Variants in OR10A5 observed in about 807,000 individuals in gnomAD.
OR10A5 encodes olfactory receptor 10A5.
Under a neutral mutation model 6.0 loss-of-function variants are expected in OR10A5, and 7 were observed. The observed-to-expected ratio is 1.17, with a 90% confidence interval of 0.66 to 2.20. The LOEUF is 2.20. Among genes scored for constraint, OR10A5 ranks in the 30% most tolerant of loss-of-function variants. The pLI, the probability that OR10A5 is intolerant of heterozygous loss-of-function variation, is 0.00. For missense variants in OR10A5, 369 were observed against 378.1 expected, an observed-to-expected ratio of 0.98 and a Z score of 0.20; for synonymous variants, 149 against 148.8, an observed-to-expected ratio of 1.00 and a Z score of -0.01.
rs778178327 is a variant in OR10A5 at position 6,846,434 on chromosome 11, T to G, written c.752T>G (p.Leu251Arg). The G allele has an allele frequency of 8.7e-6, 14 of 1,613,992 alleles. No homozygotes were observed. The African/African-American group carries it at 1.6e-4, about 18-fold the overall frequency. ...TCSSHLLVVS[L>R]FYISSSLTYF... ...TCCTCACACCTCCTTGTTGTCTCTC[T>G]TTTCTATATATCTTCTAGCCTCACC... The change falls in exon 1 of 1, where the codon CTT becomes CGT. Residue 251 changes from leucine (L) to arginine (R), a missense_variant. Leu to Arg is a moderately radical substitution (Grantham distance 102, BLOSUM62 -2). Transcript: ENST00000299454.
rs1411593813 is a variant in OR10A5, at chr11:6,846,373, T to A, written c.691T>A (p.Ser231Thr). 4 of 1,614,090 alleles carry A rather than the reference T, an allele frequency of 2.5e-6. No homozygotes were observed. In the African/African-American group the frequency reaches 4.0e-5, roughly 16 times the overall value. Reference protein sequence around the residue: ...RIAAAILKIPSAKGKHKAFST... With the variant: ...RIAAAILKIPTAKGKHKAFST... ...TGCTGCTGCTATCCTCAAGATCCCA[T>A]CAGCTAAAGGGAAGCATAAAGCCTT... The change falls in exon 1 of 1, where the codon TCA becomes ACA. Residue 231 changes from serine to threonine, a missense_variant. Ser to Thr is a moderately conservative substitution (Grantham distance 58). Transcript: ENST00000299454.
Position 6,846,468 on chromosome 11 carries a change from G to A in OR10A5, c.786G>A (p.Trp262Ter), listed in dbSNP as rs1848213907. 9 of 1,613,936 alleles carry A rather than the reference G, an allele frequency of 5.6e-6. No individual in the cohort carries two copies. Among genetic ancestry groups the A allele is most frequent in the Non-Finnish European group, 7.6e-6 (9 of 1,179,974 alleles). Residue 262 changes from tryptophan to a stop codon, truncating the protein, a stop_gained, in exon 1 of 1, where the codon TGG (tryptophan) becomes TGA (stop). Transcript: ENST00000299454. LOFTEE classifies it high-confidence loss of function. The part of the protein sequence containing the change: ...FYISSSLTYF[W>*]PKSNNSPESK... ...TATCTTCTAGCCTCACCTACTTCTG[G>A]CCTAAATCAAATAATTCTCCTGAGA...
rs1190575786 is a variant in OR10A5, at chr11:6,846,610, C to G, written c.928C>G (p.Leu310Val). 2 of 1,600,402 alleles carry G rather than the reference C, an allele frequency of 1.2e-6. No individual in the cohort carries two copies. Among genetic ancestry groups the G allele is most frequent in the East Asian group, 2.2e-5 (1 of 44,822 alleles). The change falls in exon 1 of 1, where the codon CTA (leucine) becomes GTA (valine). Residue 310 changes from leucine to valine, a missense_variant. Leu to Val is a conservative substitution (Grantham distance 32, BLOSUM62 1). Coordinates refer to ENST00000299454, the MANE Select transcript of OR10A5 (RefSeq NM_178168.1). ...NALSRTFHKV[L>V]ALRNCIP ...CCTCAGCAGGACCTTCCACAAGGTC[C>G]TAGCCCTCAGAAACTGTATCCCATA...
Position 6,845,695 on chromosome 11 carries a change from A to G in OR10A5, c.13A>G (p.Asn5Asp). The G allele has an allele frequency of 6.3e-7, 1 of 1,588,576 alleles. No homozygotes were observed. The highest frequency in any genetic ancestry group is 8.6e-7 in the Non-Finnish European group (1 of 1,156,780). Residue 5 changes from asparagine to aspartate, a missense_variant, in exon 1 of 1, where the codon AAC becomes GAC. Physicochemically the swap from Asn to Asp is conservative, Grantham distance 23. Transcript: ENST00000299454. MAIGNWTEISEFILM... is the reference protein window; with the variant it reads MAIGDWTEISEFILM... ...TATGCCCATACTTATGGCTATAGGA[A>G]ACTGGACAGAAATAAGTGAATTTAT...
rs767991915 is a variant in OR10A5, at chr11:6,846,171, G to T, written c.489G>T (p.Trp163Cys). ...CTGTAGCTACTGTGCAGACCACATG[G>T]CTCTTCAGTTTTCCATTCTGTGGCA... ...GFPVATVQTT[W>C]LFSFPFCGTN... The change falls in exon 1 of 1, where the codon TGG becomes TGT. Residue 163 changes from tryptophan (W) to cysteine (C), a missense_variant. Physicochemically the swap from Trp to Cys is radical, Grantham distance 215. Transcript: ENST00000299454. 1 of 1,614,174 alleles carries T rather than the reference G, an allele frequency of 6.2e-7. No individual in the cohort carries two copies. The highest frequency in any genetic ancestry group is 8.5e-7 in the Non-Finnish European group (1 of 1,180,032).
In OR10A5 at chr11:6,846,060, C is replaced by T. The variant is rs373809830; in HGVS notation, c.378C>T (p.Ala126=). Residue 126 remains alanine (A), a synonymous_variant, in exon 1 of 1, where the codon GCC becomes GCT. Coordinates refer to ENST00000299454, the MANE Select transcript of OR10A5 (RefSeq NM_178168.1). ...LATMAYDRYV[A]ICSPLHYPVI... ...CCATGGCATATGACCGCTATGTGGCCATCTGCAGTCCCTTGCACTACCCAG... is the reference window on the plus strand; with the variant it reads ...CCATGGCATATGACCGCTATGTGGCTATCTGCAGTCCCTTGCACTACCCAG... The T allele has an allele frequency of 5.0e-6, 8 of 1,614,208 alleles. No individual in the cohort carries two copies. In the South Asian group the frequency reaches 7.7e-5, roughly 16 times the overall value.
chr11:6,846,404 C>G lies in OR10A5; in HGVS notation c.722C>G (p.Thr241Arg). 1 of 1,614,066 alleles carries G rather than the reference C, an allele frequency of 6.2e-7. No individual in the cohort carries two copies. Among genetic ancestry groups the G allele is most frequent in the Non-Finnish European group, 8.5e-7 (1 of 1,179,968 alleles). Residue 241 changes from threonine (T) to arginine (R), a missense_variant, in exon 1 of 1, where the codon ACG (threonine) becomes AGG (arginine). By Grantham distance (71) the Thr-to-Arg change is moderately conservative. Transcript: ENST00000299454. ...AAAGGGAAGCATAAAGCCTTCTCTA[C>G]GTGCTCCTCACACCTCCTTGTTGTC... The part of the protein sequence containing the change: ...SAKGKHKAFS[T>R]CSSHLLVVSL...
Position 6,845,893 on chromosome 11 carries a change from G to C in OR10A5, c.211G>C (p.Glu71Gln), listed in dbSNP as rs1251943469. 3.1e-6 allele frequency: 5 copies of C among 1,613,998 alleles called. No individual in the cohort carries two copies. The highest frequency in any genetic ancestry group is 4.2e-6 in the Non-Finnish European group (5 of 1,180,014). Reference sequence around the variant, plus strand: ...CTTCCTCAGAAACTTATCTTTCCTGGAGATTGGCTTCAACCTAGTCATTGT... The same window carrying C: ...CTTCCTCAGAAACTTATCTTTCCTGCAGATTGGCTTCAACCTAGTCATTGT... Reference protein sequence around the residue: ...YFFLRNLSFLEIGFNLVIVPK... With the variant: ...YFFLRNLSFLQIGFNLVIVPK... The change falls in exon 1 of 1, where the codon GAG becomes CAG. Residue 71 changes from glutamate (E) to glutamine (Q), a missense_variant. Physicochemically the swap from Glu to Gln is conservative, Grantham distance 29. Transcript: ENST00000299454.
Position 6,846,491 on chromosome 11 carries a change from A to T in OR10A5, c.809A>T (p.Glu270Val). 1 of 1,613,934 alleles carries T rather than the reference A, an allele frequency of 6.2e-7. No individual in the cohort carries two copies. The highest frequency in any genetic ancestry group is 8.5e-7 in the Non-Finnish European group (1 of 1,179,816). The change falls in exon 1 of 1, where the codon GAG becomes GTG. Residue 270 changes from glutamate (E) to valine (V), a missense_variant. By Grantham distance (121) the Glu-to-Val change is moderately radical. Coordinates refer to ENST00000299454, the MANE Select transcript of OR10A5 (RefSeq NM_178168.1). ...YFWPKSNNSP[E>V]SKKLLSLSYT... ...TGGCCTAAATCAAATAATTCTCCTGAGAGCAAGAAGTTGTTATCATTATCC... is the reference window on the plus strand; with the variant it reads ...TGGCCTAAATCAAATAATTCTCCTGTGAGCAAGAAGTTGTTATCATTATCC...
chr11:6,846,060 C>A lies in OR10A5; in HGVS notation c.378C>A (p.Ala126=), dbSNP rs373809830. 3.0e-5 allele frequency: 49 copies of A among 1,614,090 alleles called. No individual in the cohort carries two copies. Among genetic ancestry groups the A allele is most frequent in the Non-Finnish European group, 4.1e-5 (48 of 1,180,046 alleles). ...CCATGGCATATGACCGCTATGTGGC[C>A]ATCTGCAGTCCCTTGCACTACCCAG... ...LATMAYDRYV[A]ICSPLHYPVI... is the part of the protein sequence containing the mutation. The change falls in exon 1 of 1, where the codon GCC becomes GCA. Residue 126 remains alanine, a synonymous_variant. Transcript: ENST00000299454.
Position 6,845,697 on chromosome 11 carries a change from C to T in OR10A5, c.15C>T (p.Asn5=). The change falls in exon 1 of 1, where the codon AAC becomes AAT. Residue 5 remains asparagine, a synonymous_variant. Coordinates refer to ENST00000299454, the MANE Select transcript of OR10A5 (RefSeq NM_178168.1). The stretch of plus-strand genomic sequence containing the variant: ...TGCCCATACTTATGGCTATAGGAAA[C>T]TGGACAGAAATAAGTGAATTTATCC... MAIG[N]WTEISEFILM... 4 of 1,593,098 alleles carry T rather than the reference C, an allele frequency of 2.5e-6. No homozygotes were observed. The highest frequency in any genetic ancestry group is 3.4e-6 in the Non-Finnish European group (4 of 1,160,922).
rs142183494 is a variant in OR10A5, at chr11:6,846,466, T to C, written c.784T>C (p.Trp262Arg). ...TATATCTTCTAGCCTCACCTACTTC[T>C]GGCCTAAATCAAATAATTCTCCTGA... ...FYISSSLTYF[W>R]PKSNNSPESK... The change falls in exon 1 of 1, where the codon TGG (tryptophan) becomes CGG (arginine). Residue 262 changes from tryptophan (W) to arginine (R), a missense_variant. Transcript: ENST00000299454. The C allele has an allele frequency of 7.3e-4, 1,171 of 1,614,154 alleles. 6 individuals carry two copies. In the African/African-American group the frequency reaches 0.014, roughly 19 times the overall value.
In OR10A5 at chr11:6,846,015, T is replaced by A; in HGVS notation, c.333T>A (p.Ala111=). ...ATTTCTTCTTCTTCTTTGGGGTAGC[T>A]GAATGCTTCCTCCTGGCTACCATGG... The part of the protein sequence containing the change: ...QMYFFFFFGV[A]ECFLLATMAY... The change falls in exon 1 of 1, where the codon GCT becomes GCA. Residue 111 remains alanine, a synonymous_variant. Transcript: ENST00000299454. 1 of 1,614,222 alleles carries A rather than the reference T, an allele frequency of 6.2e-7. No homozygotes were observed. Among genetic ancestry groups the A allele is most frequent in the Non-Finnish European group, 8.5e-7 (1 of 1,180,028 alleles).
Position 6,846,135 on chromosome 11 carries a change from C to T in OR10A5, c.453C>T (p.Phe151=). Residue 151 remains phenylalanine (F), a synonymous_variant, in exon 1 of 1, where the codon TTC becomes TTT. Transcript: ENST00000299454. ...CCAAACTGGCTGCTGCTTCCTGGTT[C>T]CCAGGCTTTCCTGTAGCTACTGTGC... ...TRAKLAAASW[F]PGFPVATVQT... The T allele has an allele frequency of 1.2e-6, 2 of 1,614,202 alleles. No homozygotes were observed. Among genetic ancestry groups the T allele is most frequent in the South Asian group, 2.2e-5 (2 of 91,088 alleles).
At position 6,846,096 on chromosome 11, in the gene OR10A5, C is replaced by T. The variant is rs1590012250; in HGVS notation, c.414C>T (p.Asn138=). ...CCTTGCACTACCCAGTCATCATGAA[C>T]CAAAGGACACGGGCCAAACTGGCTG... ...CSPLHYPVIM[N]QRTRAKLAAA... is the part of the protein sequence containing the mutation. The change falls in exon 1 of 1, where the codon AAC becomes AAT. Residue 138 remains asparagine (N), a synonymous_variant. Coordinates refer to ENST00000299454, the MANE Select transcript of OR10A5 (RefSeq NM_178168.1). 2.5e-6 allele frequency: 4 copies of T among 1,614,234 alleles called. No homozygotes were observed. The highest frequency in any genetic ancestry group is 3.4e-6 in the Non-Finnish European group (4 of 1,180,048).
rs764074682 is a variant in OR10A5 at position 6,845,774 on chromosome 11, C to T, written c.92C>T (p.Thr31Ile). Residue 31 changes from threonine (T) to isoleucine (I), a missense_variant, in exon 1 of 1, where the codon ACA (threonine) becomes ATA (isoleucine). Thr to Ile is a moderately conservative substitution (Grantham distance 89). Coordinates refer to ENST00000299454, the MANE Select transcript of OR10A5 (RefSeq NM_178168.1). Reference protein sequence around the residue: ...PTEIQSLLFLTFLTIYLVTLK... With the variant: ...PTEIQSLLFLIFLTIYLVTLK... ...GAAATACAGTCATTGCTCTTCCTGA[C>T]ATTTCTAACTATCTATTTGGTTACT... The T allele has an allele frequency of 6.2e-7, 1 of 1,613,248 alleles. No individual in the cohort carries two copies. The highest frequency in any genetic ancestry group is 1.3e-5 in the African/African-American group (1 of 74,892).
At position 6,846,383 on chromosome 11, in the gene OR10A5, G is replaced by A. The variant is rs780355221; in HGVS notation, c.701G>A (p.Gly234Glu). 2 of 1,614,106 alleles carry A rather than the reference G, an allele frequency of 1.2e-6. No individual in the cohort carries two copies. Among genetic ancestry groups the A allele is most frequent in the Non-Finnish European group, 1.7e-6 (2 of 1,180,008 alleles). ...AAILKIPSAK[G>E]KHKAFSTCSS... The stretch of plus-strand genomic sequence containing the variant: ...ATCCTCAAGATCCCATCAGCTAAAG[G>A]GAAGCATAAAGCCTTCTCTACGTGC... Residue 234 changes from glycine to glutamate, a missense_variant, in exon 1 of 1, where the codon GGG becomes GAG. Coordinates refer to ENST00000299454, the MANE Select transcript of OR10A5 (RefSeq NM_178168.1).
In OR10A5 at chr11:6,846,324, G is replaced by T; in HGVS notation, c.642G>T (p.Leu214=). 1 of 1,614,210 alleles carries T rather than the reference G, an allele frequency of 6.2e-7. No individual in the cohort carries two copies. Among genetic ancestry groups the T allele is most frequent in the Non-Finnish European group, 8.5e-7 (1 of 1,180,034 alleles). ...TGGTGGTCATGATCCCCTGCTTGCT[G>T]ATCTTGTGTTCCTATACTCGCATTG... The part of the protein sequence containing the change: ...TILVVMIPCL[L]ILCSYTRIAA... The change falls in exon 1 of 1, where the codon CTG becomes CTT. Residue 214 remains leucine (L), a synonymous_variant. Transcript: ENST00000299454.
In OR10A5 at chr11:6,845,945, C is replaced by T. The variant is rs778740895; in HGVS notation, c.263C>T (p.Ala88Val). The T allele has an allele frequency of 3.1e-6, 5 of 1,614,148 alleles. No homozygotes were observed. In the South Asian group the frequency reaches 4.4e-5, roughly 14 times the overall value. ...IVPKMLGTLL[A>V]QDTTISFLGC... is the part of the protein sequence containing the mutation. ...CCCAAAATGCTGGGGACCCTGCTTG[C>T]CCAGGACACAACCATCTCCTTCCTT... is the stretch of plus-strand genomic sequence containing the variant. Residue 88 changes from alanine to valine, a missense_variant, in exon 1 of 1, where the codon GCC becomes GTC. Coordinates refer to ENST00000299454, the MANE Select transcript of OR10A5 (RefSeq NM_178168.1).
Sources: allele counts gnomAD v4.1 joint callset, GRCh38; gene constraint gnomAD v4.1.1; transcripts MANE v1.5; gene names NCBI Gene and HGNC (gene_info 2026-07-23, HGNC 2026-07-21).